The following DDX50 variants were observed in gnomAD, a reference collection of about 807,000 sequenced individuals.
DDX50 encodes ATP-dependent RNA helicase DDX50.
A neutral mutation model predicts 94.8 loss-of-function variants in DDX50; 56 were observed. That is an observed-to-expected ratio of 0.59 (90% CI 0.48 to 0.74). The LOEUF is 0.74. Ranked by LOEUF, DDX50 falls within the 30% of genes least tolerant of loss-of-function variation. The pLI, the probability that DDX50 is intolerant of heterozygous loss-of-function variation, is 0.00. For synonymous variants in DDX50, 264 were observed against 295.4 expected (o/e 0.89, Z 1.09); for missense variants, 713 against 881.2 (o/e 0.81, Z 2.42).
rs1304954738 is a variant in DDX50, at chr10:68,911,108, C to T, written c.501C>T (p.Thr167=). The stretch of plus-strand genomic sequence containing the variant: ...ATCTCTTTCCTATTCAAGTTAAGAC[C>T]TTTGGTCCTGTATATGAAGGAAAAG... ...VTYLFPIQVK[T]FGPVYEGKDL... Residue 167 remains threonine, a synonymous_variant, in exon 4 of 15, where the codon ACC becomes ACT. Transcript: ENST00000373585. 6.3e-7 allele frequency: 1 copy of T among 1,596,064 alleles called. No homozygotes were observed. The highest frequency in any genetic ancestry group is 1.2e-5 in the South Asian group (1 of 86,200).
rs1841475978 is a variant in DDX50 at position 68,907,084 on chromosome 10, AATTG to A, written c.384+81_384+84del. On this transcript the variant is annotated intron_variant, in intron 2 of 14. Coordinates refer to ENST00000373585, the MANE Select transcript of DDX50 (RefSeq NM_024045.2). ...ATTTGAATTTTTTTAGGCTAATTAGAATTGATTCTATAACATTTCTTGATTAGTG... is the reference window on the plus strand; with the variant it reads ...ATTTGAATTTTTTTAGGCTAATTAGAATTCTATAACATTTCTTGATTAGTG... The A allele has an allele frequency of 2.1e-5, 28 of 1,358,112 alleles. No individual in the cohort carries two copies. In the South Asian group the frequency reaches 3.6e-4, roughly 18 times the overall value. 84.1% of individuals were successfully genotyped at this position (1,358,112 alleles called of 1,614,324 possible).
chr10:68,904,201 C>T (rs1841376717), intron 1 of DDX50, among the ~76,000 whole-genome samples: 1 of 151,524 alleles, frequency 6.6e-6, no homozygotes, highest in Admixed American at 6.6e-5. Context: ...GACTTAGCTA[C>T]TCAGGAGACT....
At position 68,910,395 on chromosome 10, in the gene DDX50, G is replaced by GT; in HGVS notation, c.460+15dup. ...AAGCTTCTGAAAGGTATGCAGTTTG[G>GT]TTGTTGTTGTTATTGTTGTTGTTTT... On this transcript the variant is annotated intron_variant, in intron 3 of 14. Coordinates refer to ENST00000373585, the MANE Select transcript of DDX50 (RefSeq NM_024045.2). The GT allele has an allele frequency of 6.3e-7, 1 of 1,582,786 alleles. No individual in the cohort carries two copies. The highest frequency in any genetic ancestry group is 8.6e-7 in the Non-Finnish European group (1 of 1,168,056).
At position 68,941,185 on chromosome 10, in the gene DDX50, A is replaced by G; in HGVS notation, c.1881A>G (p.Lys627=). 2 of 1,612,728 alleles carry G rather than the reference A, an allele frequency of 1.2e-6. No individual in the cohort carries two copies. The highest frequency in any genetic ancestry group is 1.7e-6 in the Non-Finnish European group (2 of 1,179,630). ...VSQITRMCLL[K]GNMGVCFDVP... ...AGATTACCAGAATGTGCCTCCTGAA[A>G]GGAAATATGGTAGGCTTTTCCAGAC... Residue 627 remains lysine, a synonymous_variant, in exon 13 of 15, where the codon AAA becomes AAG. Transcript: ENST00000373585.
At position 68,910,989 on chromosome 10, in the gene DDX50, T is replaced by C. The variant is rs143640223; in HGVS notation, c.461-79T>C. On this transcript the variant is annotated intron_variant, in intron 3 of 14. Transcript: ENST00000373585. ...TCTTTAGGCAGACATAGAAGAATTA[T>C]GATTGTCATTTTCAAATGAATATAT... 10 of 1,136,578 alleles carry C rather than the reference T, an allele frequency of 8.8e-6. No homozygotes were observed. The East Asian group carries it at 2.3e-4, about 27-fold the overall frequency. The allele number at this position is 1,136,578 out of a possible 1,614,324, so 70.4% of individuals were successfully genotyped here. A position where few individuals can be genotyped will look rare whatever the true frequency, so the allele number is the denominator to read the frequency against.
rs1841681358 is a variant in DDX50 at position 68,913,153 on chromosome 10, C to G, written c.640-9C>G. On this transcript the variant is annotated splice_polypyrimidine_tract_variant and intron_variant, in intron 4 of 14. Coordinates refer to ENST00000373585, the MANE Select transcript of DDX50 (RefSeq NM_024045.2). ...AAGTATCTTTTTGTTTTTTAAACCT[C>G]TTGCTCAGGTACTTGTTTTGGCTCC... 2.5e-6 allele frequency: 4 copies of G among 1,589,534 alleles called. No individual in the cohort carries two copies. Among genetic ancestry groups the G allele is most frequent in the East Asian group, 2.2e-5 (1 of 44,706 alleles).
intron 7 of DDX50, among the ~76,000 whole-genome samples, chr10:68,917,468 C>T (rs1841829371): frequency 1.3e-5 from 2 of 151,962 alleles, no homozygotes; most frequent in Non-Finnish European, 2.9e-5. Context: ...CAAAAAACAA[C>T]AAAAAAACTC....
chr10:68,943,238 C>T lies in DDX50; in HGVS notation c.1916C>T (p.Thr639Ile). ...GGTGTTTGCTTTGATGTTCCTACAA[C>T]TGAGTCAGAAAGGTTACAGGTATTT... ...NMGVCFDVPT[T>I]ESERLQAEWH... The change falls in exon 14 of 15, where the codon ACT becomes ATT. Residue 639 changes from threonine (T) to isoleucine (I), a missense_variant. This residue lies in a region of DDX50 where 428 missense variants were observed against 602.3 expected (regional missense o/e 0.71). Transcript: ENST00000373585. 1 of 1,607,950 alleles carries T rather than the reference C, an allele frequency of 6.2e-7. No individual in the cohort carries two copies.
Position 68,910,317 on chromosome 10 carries a change from G to A in DDX50, c.395G>A (p.Arg132His), listed in dbSNP as rs374841303. 44 of 1,606,382 alleles carry A rather than the reference G, an allele frequency of 2.7e-5. No homozygotes were observed. Among genetic ancestry groups the A allele is most frequent in the Middle Eastern group, 1.7e-4 (1 of 6,056 alleles). Reference protein sequence around the residue: ...SDNKLEETLTREQKEGAFSNF... With the variant: ...SDNKLEETLTHEQKEGAFSNF... Reference sequence around the variant, plus strand: ...ATTTCATTTTTACAGACCTTAACACGTGAACAGAAAGAAGGAGCCTTCTCC... The same window carrying A: ...ATTTCATTTTTACAGACCTTAACACATGAACAGAAAGAAGGAGCCTTCTCC... The change falls in exon 3 of 15, where the codon CGT becomes CAT. Residue 132 changes from arginine to histidine, a missense_variant. By Grantham distance (29) the Arg-to-His change is conservative. Coordinates refer to ENST00000373585, the MANE Select transcript of DDX50 (RefSeq NM_024045.2).
chr10:68,917,414 G>C (rs768875809), intron 7 of DDX50, among the ~76,000 whole-genome samples: 4 of 152,110 alleles, frequency 2.6e-5, no homozygotes, highest in Middle Eastern at 3.2e-3. Context: ...AGCTGAGATC[G>C]TGCCACTGAA....
rs1842359743 is a variant in DDX50, at chr10:68,934,626, A to G, written c.1402-173A>G. Among the ~76,000 whole-genome samples the G allele has an allele frequency of 6.6e-6, 1 of 152,170 alleles. No homozygotes were observed. The highest frequency in any genetic ancestry group is 2.1e-4 in the South Asian group (1 of 4,830). The stretch of plus-strand genomic sequence containing the variant: ...GAAACCTGGGATGAGGTGGATTAAA[A>G]GGTTTTAAATCATATTGCCTTTACC... On this transcript the variant is annotated intron_variant, in intron 9 of 14. Transcript: ENST00000373585. This position sits in a 1 kb window ranked among gnomAD's most constrained non-coding sequence, Gnocchi z 4.0.
chr10:68,926,625 AGCTGGGTTTGGTGGTGCACCTGTAATCCC>A, intron 8 of DDX50, among the ~76,000 whole-genome samples: 2 of 152,078 alleles, frequency 1.3e-5, no homozygotes, highest in East Asian at 1.9e-4. Flanking sequence ...AATTCTAAAC[AGCTGGGTTTGGTGGTGCACCTGTAATCCC>A]AGCTACTCAG....
At chr10:68,924,086 T>C (rs1020950136) in intron 8 of DDX50, among the ~76,000 whole-genome samples, 2 of 151,114 alleles carry the variant, frequency 1.3e-5, no homozygotes, top group African/African-American at 4.9e-5. Context: ...AGTACTACAG[T>C]AGCTGGGATT....
In DDX50 at chr10:68,934,866, G is replaced by A; in HGVS notation, c.1469G>A (p.Cys490Tyr). The A allele has an allele frequency of 1.2e-6, 2 of 1,613,332 alleles. No individual in the cohort carries two copies. Among genetic ancestry groups the A allele is most frequent in the Non-Finnish European group, 1.7e-6 (2 of 1,179,610 alleles). ...GRAGRTGICICFYQPRERGQL... is the reference protein window; with the variant it reads ...GRAGRTGICIYFYQPRERGQL... ...GCTGGACGGACAGGGATTTGTATAT[G>A]TTTTTATCAACCAAGAGAAAGAGGT... The change falls in exon 10 of 15, where the codon TGT becomes TAT. Residue 490 changes from cysteine to tyrosine, a missense_variant. This residue lies in a region of DDX50 where 428 missense variants were observed against 602.3 expected (regional missense o/e 0.71). Transcript: ENST00000373585. The surrounding 1 kb of genome is among the most constrained non-coding windows in gnomAD (Gnocchi z 4.0).
At chr10:68,915,940 T>C (rs548462352) in intron 7 of DDX50, among the ~76,000 whole-genome samples, 45 of 152,144 alleles carry the variant, frequency 3.0e-4, no homozygotes, top group Non-Finnish European at 5.4e-4. Context: ...ATTACACTAT[T>C]TTAAAAAATA....
intron 13 of DDX50, among the ~76,000 whole-genome samples, chr10:68,941,894 C>G (rs1056616710): frequency 6.6e-6 from 1 of 152,126 alleles, no homozygotes; most frequent in Non-Finnish European, 1.5e-5. Context: ...CCCGCTTCTG[C>G]CTCCCAAAGT....
intron 11 of DDX50, 40 bp from the exon 12 acceptor site, chr10:68,936,896 T>TC (rs1483841734): frequency 6.6e-7 from 1 of 1,514,426 alleles, no homozygotes; most frequent in African/African-American, 1.4e-5. Flanking sequence ...TTTTATTTTT[T>TC]CCCTATGTCT....
intron 2 of DDX50, among the ~76,000 whole-genome samples, chr10:68,907,474 C>T (rs1435737279): frequency 1.3e-5 from 2 of 151,796 alleles, no homozygotes; most frequent in Non-Finnish European, 2.9e-5. Flanking sequence ...CACCACCATG[C>T]CTGGCAAATT....
chr10:68,945,448 A>G (rs1329557284), intron 14 of DDX50, among the ~76,000 whole-genome samples: 1 of 151,962 alleles, frequency 6.6e-6, no homozygotes, highest in African/African-American at 2.4e-5. Context: ...CTGGGATTAC[A>G]GGCGCCCACC....
Sources: allele counts gnomAD v4.1 joint callset (sites outside exome capture counted in the v4.1 genomes callset), GRCh38; gene constraint gnomAD v4.1.1; regional missense constraint gnomAD v4.1.1; non-coding constraint Gnocchi (gnomAD v3.1); transcripts MANE v1.5; gene names NCBI Gene and HGNC (gene_info 2026-07-23, HGNC 2026-07-21).